The following COLEC12 variants were observed in gnomAD, a reference collection of about 807,000 sequenced individuals.
The protein encoded by COLEC12 is collectin-12.
In COLEC12, 33 loss-of-function variants were observed where a neutral mutation model predicts 71.1. That is an observed-to-expected ratio of 0.46 (90% confidence interval 0.35 to 0.62). The LOEUF (loss-of-function observed/expected upper bound fraction) is 0.62. Among genes scored for constraint, COLEC12 ranks in the 20% least tolerant of loss-of-function variants. The pLI is 0.00. For synonymous variants in COLEC12, 350 were observed against 353.0 expected, an observed-to-expected ratio of 0.99 and a Z score of 0.10; for missense variants, 765 against 916.1, an observed-to-expected ratio of 0.84 and a Z score of 2.13.
chr18:440,038 G>A (rs912495406), intron 2 of COLEC12, among the ~76,000 whole-genome samples: 1 of 150,426 alleles, frequency 6.6e-6, no homozygotes, highest in Non-Finnish European at 1.5e-5. Context: ...AAGAAAGAAG[G>A]AAATTCTGCT....
intron 2 of COLEC12, among the ~76,000 whole-genome samples, chr18:464,920 G>T (rs1266846753): frequency 3.3e-5 from 5 of 152,168 alleles, no homozygotes; most frequent in Admixed American, 3.3e-4. Flanking sequence ...AAGGCTGGGG[G>T]TGACACACTC....
intron 2 of COLEC12, among the ~76,000 whole-genome samples, chr18:382,862 A>C (rs944668351): frequency 6.6e-6 from 1 of 152,244 alleles, no homozygotes; most frequent in Non-Finnish European, 1.5e-5. Flanking sequence ...TGATGTTTCT[A>C]TCCATGTATA....
chr18:464,160 C>T (rs980434329), intron 2 of COLEC12, among the ~76,000 whole-genome samples: 10 of 152,206 alleles, frequency 6.6e-5, no homozygotes, highest in Admixed American at 1.3e-4. Context: ...TTACCACAAA[C>T]CTCCACGGAT....
At chr18:395,112 G>C (rs1915542191) in intron 2 of COLEC12, among the ~76,000 whole-genome samples, 1 of 152,234 alleles carries the variant, frequency 6.6e-6, no homozygotes, top group Non-Finnish European at 1.5e-5. Context: ...TGTTGATCCA[G>C]TTGCTGGAAG....
intron 2 of COLEC12, among the ~76,000 whole-genome samples, chr18:415,588 C>A (rs1915971265): frequency 6.6e-6 from 1 of 152,152 alleles, no homozygotes; most frequent in Non-Finnish European, 1.5e-5. Flanking sequence ...TCCCCTACAA[C>A]AGATGGCTAT....
intron 5 of COLEC12, among the ~76,000 whole-genome samples, chr18:340,724 T>A (rs1433131813): frequency 6.6e-6 from 1 of 152,210 alleles, no homozygotes; most frequent in Non-Finnish European, 1.5e-5. Context: ...AGTGATACAA[T>A]CTGATACGTT....
chr18:439,472 C>A (rs1265975621), intron 2 of COLEC12, among the ~76,000 whole-genome samples: 1 of 150,128 alleles, frequency 6.7e-6, no homozygotes, highest in African/African-American at 2.4e-5. Flanking sequence ...ATTTTCTAAA[C>A]CTTATGGTCT....
chr18:393,946 A>G (rs11875710), intron 2 of COLEC12, among the ~76,000 whole-genome samples: 1 of 152,220 alleles, frequency 6.6e-6, no homozygotes, highest in Admixed American at 6.5e-5. Context: ...GTTAATATCA[A>G]AACACATTAC....
chr18:396,042 C>A (rs1915564035), intron 2 of COLEC12, among the ~76,000 whole-genome samples: 1 of 152,166 alleles, frequency 6.6e-6, no homozygotes, highest in Non-Finnish European at 1.5e-5. Flanking sequence ...CTTGGTGCTG[C>A]TAGGTTTGAT....
chr18:445,020 TG>T (rs1916618466), intron 2 of COLEC12, among the ~76,000 whole-genome samples: 1 of 152,206 alleles, frequency 6.6e-6, no homozygotes, highest in Non-Finnish European at 1.5e-5. Context: ...AAATATGACT[TG>T]TTGCCCTCTT....
intron 2 of COLEC12, among the ~76,000 whole-genome samples, chr18:415,040 G>A (rs1394381310): frequency 6.6e-6 from 1 of 152,080 alleles, no homozygotes; most frequent in Admixed American, 6.5e-5. Context: ...ATTTTCAAAG[G>A]TTACATTCAA....
At position 460,613 on chromosome 18, in the gene COLEC12, T is replaced by C. The variant is rs147494674; in HGVS notation, c.58+20094A>G. ...TGCTAAGTATGTTATGCCTTCAATA[T>C]AGCTTTCCTGACAACCTCAACATTG... On this transcript the variant is annotated intron_variant, in intron 2 of 9. Coordinates refer to ENST00000400256, the MANE Select transcript of COLEC12 (RefSeq NM_130386.3). Among the ~76,000 whole-genome samples, 557 of 152,320 alleles carry C rather than the reference T, an allele frequency of 3.7e-3. 8 individuals are homozygous for C. The highest frequency in any genetic ancestry group is 0.013 in the African/African-American group (537 of 41,558).
chr18:436,334 A>G (rs1332871254), intron 2 of COLEC12, among the ~76,000 whole-genome samples: 2 of 152,130 alleles, frequency 1.3e-5, no homozygotes, highest in Non-Finnish European at 2.9e-5. Context: ...AACATGGTGA[A>G]ACCCCGTCTC....
chr18:414,778 C>G (rs373045399), intron 2 of COLEC12, among the ~76,000 whole-genome samples: 3 of 152,274 alleles, frequency 2.0e-5, no homozygotes, highest in African/African-American at 4.8e-5. Flanking sequence ...CTCTAACCCC[C>G]AAACAGGCTT....
In COLEC12 at chr18:500,477, C is replaced by G; in HGVS notation, c.7+31G>C. On this transcript the variant is annotated intron_variant, in intron 1 of 9. Coordinates refer to ENST00000400256, the MANE Select transcript of COLEC12 (RefSeq NM_130386.3). The surrounding 1 kb of genome is among the most constrained non-coding windows in gnomAD (Gnocchi z 5.3). ...GCGCCCCGAAGCCCGTTCCCCCCGC[C>G]CAGAGCCCCGCGGAGCTGCCGCCGC... The G allele has an allele frequency of 8.1e-7, 1 of 1,227,922 alleles. No homozygotes were observed. Among genetic ancestry groups the G allele is most frequent in the South Asian group, 3.8e-5 (1 of 26,584 alleles). The allele number at this position is 1,227,922 out of a possible 1,614,324, so 76.1% of individuals were successfully genotyped here.
intron 2 of COLEC12, among the ~76,000 whole-genome samples, chr18:437,349 T>G (rs1916427069): frequency 6.6e-6 from 1 of 152,226 alleles, no homozygotes; most frequent in African/African-American, 2.4e-5. Context: ...TTAAATTAGC[T>G]TCAGGGTGAC....
chr18:346,528 T>C lies in COLEC12; in HGVS notation c.1094A>G (p.Asn365Ser), dbSNP rs774162432. The C allele has an allele frequency of 4.3e-6, 7 of 1,614,164 alleles. No homozygotes were observed. The highest frequency in any genetic ancestry group is 1.7e-5 in the Admixed American group (1 of 60,022). ...ATCTGTGCAAGTGGTCCTGACTTCA[T>C]TTAGATTGCTGGTCAGCGTCCGCAG... ...HHLRTLTSNL[N>S]EVRTTCTDTL... Residue 365 changes from asparagine (N) to serine (S), a missense_variant, in exon 5 of 10, where the codon AAT (asparagine) becomes AGT (serine). Transcript: ENST00000400256. This position sits in a 1 kb window ranked among gnomAD's most constrained non-coding sequence, Gnocchi z 4.0.
intron 2 of COLEC12, among the ~76,000 whole-genome samples, chr18:441,250 A>AAAAT (rs899837340): frequency 2.0e-5 from 3 of 151,980 alleles, no homozygotes; most frequent in African/African-American, 7.3e-5. Context: ...TCTGTCTCAA[A>AAAAT]AAATAAATAA....
intron 2 of COLEC12, among the ~76,000 whole-genome samples, chr18:372,053 A>G (rs1192590460): frequency 2.0e-5 from 3 of 152,132 alleles, no homozygotes; most frequent in Non-Finnish European, 4.4e-5. Flanking sequence ...TTCTTCCCTC[A>G]GGTGCCTTTG....
Sources: gnomAD v4.1 joint callset for allele counts (sites outside exome capture counted in the v4.1 genomes callset) on GRCh38, gnomAD v4.1.1 for gene constraint, Gnocchi (gnomAD v3.1) non-coding constraint, MANE v1.5 for transcripts, NCBI Gene and HGNC (gene_info 2026-07-23, HGNC 2026-07-21) for gene names.